The following SNURF variants were observed in gnomAD, a reference collection of about 807,000 sequenced individuals.
SNURF encodes SNURF protein.
SNURF carries 6 observed loss-of-function variants against 11.6 expected under a neutral mutation model. The ratio of observed to expected loss-of-function variants is 0.52; its 90% CI spans 0.28 to 1.02. The LOEUF is 1.02. SNURF is among the 50% of genes least tolerant of loss of function. The pLI is 0.09. For missense variants in SNURF, 84 were observed against 88.4 expected (o/e 0.95, Z 0.20); for synonymous variants, 29 against 31.6 (o/e 0.92, Z 0.27).
At chr15:24,967,426 G>T (rs1230570109) in intron 2 of SNURF, among the ~76,000 whole-genome samples, 5 of 151,938 alleles carry the variant, frequency 3.3e-5, no homozygotes, top group African/African-American at 1.2e-4. Flanking sequence ...GATCACCTGA[G>T]GTCATGAGTT....
exon 3 of SNURF, chr15:24,967,994 A>C (rs781290013): frequency 1.2e-6 from 2 of 1,614,096 alleles, no homozygotes; most frequent in South Asian, 1.1e-5. Flanking sequence ...TTCCAGGCTG[A>C]ACTGAGGCAG....
chr15:24,974,278 T>C (rs554502365), intron 3 of SNURF: 120 of 629,240 alleles, frequency 1.9e-4, no homozygotes, highest in Non-Finnish European at 2.9e-4. Context: ...CATGGTAGAT[T>C]GCAGTGCAGC....
intron 1 of SNURF, among the ~76,000 whole-genome samples, chr15:24,956,193 G>A (rs2062836660): frequency 6.6e-6 from 1 of 152,176 alleles, no homozygotes; most frequent in South Asian, 2.1e-4. Context: ...GCCAGGTGAT[G>A]CCTGGGGGTT....
intron 6 of SNURF, chr15:24,977,113 GTGTC>G: frequency 9.0e-7 from 1 of 1,114,922 alleles, no homozygotes; most frequent in Non-Finnish European, 1.3e-6. Flanking sequence ...CTAAGTGTAT[GTGTC>G]ATACAATGTA....
downstream of SNURF, chr15:24,978,668 T>C: frequency 1.7e-6 from 1 of 581,174 alleles, no homozygotes; most frequent in East Asian, 2.8e-5. Flanking sequence ...ATTAAGCAGT[T>C]GATTCAAATC....
At chr15:24,974,854 G>A in intron 3 of SNURF, 1 of 697,180 alleles carries the variant, frequency 1.4e-6, no homozygotes, top group South Asian at 1.5e-5. Flanking sequence ...ATGAGCCACT[G>A]TGCCTGGCCA....
chr15:24,973,253 G>T (rs1180547556), downstream of SNURF, among the ~76,000 whole-genome samples: 3 of 152,104 alleles, frequency 2.0e-5, no homozygotes, highest in African/African-American at 7.2e-5. Context: ...TGATATACAG[G>T]TTTGTAGCCT....
At chr15:24,964,775 T>C (rs1281717582) in intron 2 of SNURF, among the ~76,000 whole-genome samples, 1 of 152,180 alleles carries the variant, frequency 6.6e-6, no homozygotes, top group Non-Finnish European at 1.5e-5. Flanking sequence ...ACAGTTTTTT[T>C]CCTATGTAAC....
chr15:24,967,350 A>G (rs1377195110), intron 2 of SNURF: 1 of 155,256 alleles, frequency 6.4e-6, no homozygotes, highest in Non-Finnish European at 1.4e-5. Flanking sequence ...CTAAAGAAAG[A>G]TCTTCTTCCC....
chr15:24,962,701 C>T (rs2075023644), intron 2 of SNURF, among the ~76,000 whole-genome samples: 1 of 152,090 alleles, frequency 6.6e-6, no homozygotes, highest in Admixed American at 6.5e-5. Context: ...TATACACAGA[C>T]ACACTCAGAC....
intron 1 of SNURF, chr15:24,958,754 A>G (rs1037723038): frequency 6.5e-6 from 1 of 154,066 alleles, no homozygotes; most frequent in African/African-American, 2.4e-5. Context: ...GGGTCTGGCT[A>G]TGTTGCCCAG....
chr15:24,974,392 C>G (rs1160003126), intron 3 of SNURF: 2 of 1,531,870 alleles, frequency 1.3e-6, no homozygotes, highest in African/African-American at 2.7e-5. Context: ...TATAGCCTTC[C>G]CCTAGGTCTT....
At chr15:24,968,948 C>CT (rs1424251066), downstream of SNURF, 5 of 151,402 alleles carry the variant, frequency 3.3e-5, no homozygotes, top group Admixed American at 2.0e-4. Context: ...TTTTTTTCTA[C>CT]TTTAAGTTTT....
At chr15:24,962,086 A>C (rs1157826120) in intron 1 of SNURF, 28 bp from the exon 2 acceptor site, 1 of 1,589,152 alleles carries the variant, frequency 6.3e-7, no homozygotes, top group South Asian at 1.1e-5. Context: ...GCAGTCTACC[A>C]AACAAATGCC....
chr15:24,970,684 T>C (rs548876156), downstream of SNURF, among the ~76,000 whole-genome samples: 5 of 152,326 alleles, frequency 3.3e-5, no homozygotes, highest in East Asian at 9.6e-4. Context: ...ATGCAGGGTG[T>C]AATATTAGTA....
In SNURF at chr15:24,955,107, G is replaced by A. The variant is rs1177937520; in HGVS notation, c.14+45G>A. The A allele has an allele frequency of 4.3e-6, 7 of 1,612,898 alleles. No individual in the cohort carries two copies. The East Asian group carries it at 6.7e-5, about 15-fold the overall frequency. On this transcript the variant is annotated intron_variant, in intron 1 of 2. Coordinates refer to ENST00000577949, the Ensembl canonical transcript of SNURF. Reference sequence around the variant, plus strand: ...TCTCTCAAGAGACAGCCTGGGGAGCGGCCACTTTTATTCATCAGATATTCC... The same window carrying A: ...TCTCTCAAGAGACAGCCTGGGGAGCAGCCACTTTTATTCATCAGATATTCC...
downstream of SNURF, chr15:24,968,773 T>C (rs1403368347): frequency 6.6e-6 from 1 of 152,218 alleles, no homozygotes; most frequent in Non-Finnish European, 1.5e-5. Context: ...TTAACCAATG[T>C]ATTTCCTCTT....
chr15:24,966,371 A>G (rs2075638535), intron 2 of SNURF, among the ~76,000 whole-genome samples: 1 of 152,184 alleles, frequency 6.6e-6, no homozygotes, highest in Non-Finnish European at 1.5e-5. Context: ...CTCAGGATGC[A>G]TTACCTGCAC....
chr15:24,971,365 C>A (rs971497792), downstream of SNURF, among the ~76,000 whole-genome samples: 3 of 152,066 alleles, frequency 2.0e-5, no homozygotes, highest in East Asian at 5.8e-4. Flanking sequence ...TTATTTTCTT[C>A]TTTCACTTAC....
Sources: gnomAD v4.1 joint callset for allele counts (sites outside exome capture counted in the v4.1 genomes callset) on GRCh38, gnomAD v4.1.1 for gene constraint, MANE v1.5 for transcripts, NCBI Gene and HGNC (gene_info 2026-07-23, HGNC 2026-07-21) for gene names.